Variants in COMMD7 observed in about 807,000 individuals in gnomAD.
The protein encoded by COMMD7 is COMM domain-containing protein 7.
Under a neutral mutation model 34.8 loss-of-function variants are expected in COMMD7, and 28 were observed. That is an observed-to-expected ratio of 0.80 (90% CI 0.60 to 1.10). The LOEUF is 1.10. Among genes scored for constraint, COMMD7 ranks in the 50% least tolerant of loss-of-function variants. COMMD7 has a pLI of 0.00. For missense variants in COMMD7, 211 were observed against 241.6 expected (o/e 0.87, Z 0.84); for synonymous variants, 80 against 86.4 (o/e 0.93, Z 0.41).
rs187547591 is a variant in COMMD7, at chr20:32,712,168, G to A, written c.242-5408C>T. On this transcript the variant is annotated intron_variant, in intron 3 of 8. Coordinates refer to ENST00000278980, the MANE Select transcript of COMMD7 (RefSeq NM_053041.3). ...GCCTGTAATCCCAGCTACTCAGGAG[G>A]CTGAGACAGGAGAATTGCTTGCACC... 3.5e-3 allele frequency among the ~76,000 whole-genome samples: 526 copies of A among 150,730 alleles called. 11 individuals are homozygous for A. The highest frequency in any genetic ancestry group is 0.01 in the Middle Eastern group (3 of 294).
chr20:32,707,275 C>T (rs971146090), intron 3 of COMMD7, among the ~76,000 whole-genome samples: 1 of 114,464 alleles, frequency 8.7e-6, no homozygotes, highest in Non-Finnish European at 1.9e-5. Context: ...CAGAGCGAGA[C>T]TCCGTCTCAA....
intron 3 of COMMD7, among the ~76,000 whole-genome samples, chr20:32,725,357 T>G (rs1367993070): frequency 6.6e-6 from 1 of 151,894 alleles, no homozygotes; most frequent in African/African-American, 2.4e-5. Flanking sequence ...TGTGATTATC[T>G]CTAGGGACAA....
chr20:32,727,222 G>A (rs572577485), intron 3 of COMMD7, among the ~76,000 whole-genome samples: 27 of 148,308 alleles, frequency 1.8e-4, no homozygotes, highest in African/African-American at 6.5e-4. Flanking sequence ...GCAAGACCCT[G>A]TCAAAAAAAA....
At chr20:32,737,369 CA>C (rs1376796467) in intron 1 of COMMD7, among the ~76,000 whole-genome samples, 10 of 19,666 alleles carry the variant, frequency 5.1e-4, no homozygotes, top group Non-Finnish European at 1.1e-3. Flanking sequence ...GACTCCGTCT[CA>C]AAAAAAAAAG....
chr20:32,741,319 G>A (rs1568799921), intron 1 of COMMD7, among the ~76,000 whole-genome samples: 1 of 151,618 alleles, frequency 6.6e-6, no homozygotes, highest in African/African-American at 2.4e-5. Flanking sequence ...CTGGGCTCAA[G>A]TGATCCTCCT....
chr20:32,705,709 G>T (rs1984039814), intron 5 of COMMD7, among the ~76,000 whole-genome samples: 1 of 152,108 alleles, frequency 6.6e-6, no homozygotes. Flanking sequence ...GTCCTCTCCT[G>T]ATCCATGAAA....
At chr20:32,713,896 T>C (rs1984617542) in intron 3 of COMMD7, among the ~76,000 whole-genome samples, 1 of 151,816 alleles carries the variant, frequency 6.6e-6, no homozygotes, top group Admixed American at 6.6e-5. Flanking sequence ...CAGGTGGATC[T>C]CAAGGTCAGG....
intron 3 of COMMD7, 93 bp from the exon 4 acceptor site, chr20:32,706,853 A>G (rs28548540): frequency 0.71 from 696,365 of 979,102 alleles, 253,707 homozygotes; most frequent in Middle Eastern, 0.81. Context: ...GACCTAAAGG[A>G]CAAAAGGAAC....
chr20:32,742,738 A>G (rs989997578), intron 1 of COMMD7, among the ~76,000 whole-genome samples: 119 of 152,008 alleles, frequency 7.8e-4, no homozygotes, highest in Non-Finnish European at 2.5e-4. Context: ...AGGCCCACAG[A>G]GCCCCAGTGG....
chr20:32,743,279 C>T, intron 1 of COMMD7, 29 bp downstream of exon 1: 2 of 1,492,776 alleles, frequency 1.3e-6, no homozygotes, highest in Non-Finnish European at 1.8e-6. Flanking sequence ...ACCTGGGCCC[C>T]GCGCCCCACG....
At chr20:32,728,669 C>T (rs951019906) in intron 1 of COMMD7, among the ~76,000 whole-genome samples, 3 of 145,648 alleles carry the variant, frequency 2.1e-5, no homozygotes, top group African/African-American at 7.7e-5. Context: ...TGGGCTCAAG[C>T]AATCCTCCCA....
intron 3 of COMMD7, among the ~76,000 whole-genome samples, chr20:32,710,176 A>T (rs775711349): frequency 3.3e-5 from 5 of 152,084 alleles, no homozygotes; most frequent in Admixed American, 6.6e-5. Flanking sequence ...TCCCAGCCTC[A>T]TTCTAATTTA....
intron 3 of COMMD7, among the ~76,000 whole-genome samples, chr20:32,722,245 C>CG (rs1418024768): frequency 2.3e-4 from 4 of 17,416 alleles, no homozygotes; most frequent in Non-Finnish European, 3.6e-4. Flanking sequence ...AACTCTGTCT[C>CG]GAAAAAAAAA....
intron 1 of COMMD7, among the ~76,000 whole-genome samples, chr20:32,730,596 T>C (rs6058837): frequency 0.26 from 39,963 of 151,728 alleles, 5,446 homozygotes; most frequent in Middle Eastern, 0.32. Context: ...AAGCCCACTG[T>C]GTATGGCATA....
intron 1 of COMMD7, among the ~76,000 whole-genome samples, chr20:32,736,706 A>C (rs1379846922): frequency 2.6e-5 from 4 of 151,642 alleles, no homozygotes; most frequent in Non-Finnish European, 4.4e-5. Flanking sequence ...AACAAAAAAA[A>C]CCAATAAAGG....
intron 3 of COMMD7, among the ~76,000 whole-genome samples, chr20:32,708,665 T>TTTTC (rs1555822727): frequency 4.6e-4 from 70 of 150,846 alleles, no homozygotes; most frequent in African/African-American, 1.4e-3. Flanking sequence ...ACTTTTTTTT[T>TTTTC]TTTTTTGAGA....
In COMMD7 at chr20:32,743,427, C is replaced by A. The variant is rs762940776; in HGVS notation, c.-36G>T. Reference sequence around the variant, plus strand: ...CCAGCCCCGCAGGTTCCACCGCCGCCGCCGCCCTGCTCAGCTTCCTCCTCC... The same window carrying A: ...CCAGCCCCGCAGGTTCCACCGCCGCAGCCGCCCTGCTCAGCTTCCTCCTCC... On this transcript the variant is annotated 5_prime_UTR_variant, in exon 1 of 9. Coordinates refer to ENST00000278980, the MANE Select transcript of COMMD7 (RefSeq NM_053041.3). 6.8e-5 allele frequency: 89 copies of A among 1,300,364 alleles called. No homozygotes were observed. The South Asian group carries it at 9.6e-4, about 14-fold the overall frequency. 80.6% of individuals were successfully genotyped at this position (1,300,364 alleles called of 1,614,324 possible). A position where few individuals can be genotyped will look rare whatever the true frequency, so the allele number is the denominator to read the frequency against.
chr20:32,704,894 T>C lies in COMMD7; in HGVS notation c.347A>G (p.Asn116Ser). The stretch of plus-strand genomic sequence containing the variant: ...GGCCCATCGAGCAAGGGTGGGAGCA[T>C]TCTGCTTCCACTGGAACAAAAGCAA... ...ATYFSEKWKQ[N>S]APTLARWAIG... The change falls in exon 6 of 9, where the codon AAT becomes AGT. Residue 116 changes from asparagine to serine, a missense_variant. Physicochemically the swap from Asn to Ser is conservative, Grantham distance 46. Transcript: ENST00000278980. The C allele has an allele frequency of 6.2e-7, 1 of 1,612,610 alleles. No individual in the cohort carries two copies. Among genetic ancestry groups the C allele is most frequent in the Non-Finnish European group, 8.5e-7 (1 of 1,178,692 alleles).
chr20:32,711,168 G>A (rs932279007), intron 3 of COMMD7, among the ~76,000 whole-genome samples: 17 of 152,020 alleles, frequency 1.1e-4, no homozygotes, highest in Admixed American at 3.3e-4. Context: ...AGGCTGAGGC[G>A]GGTGGATCAC....
Sources: gnomAD v4.1 joint callset for allele counts (sites outside exome capture counted in the v4.1 genomes callset) on GRCh38, gnomAD v4.1.1 for gene constraint, MANE v1.5 for transcripts, NCBI Gene and HGNC (gene_info 2026-07-23, HGNC 2026-07-21) for gene names.